WASF1: variants seen among roughly 807,000 people sequenced by gnomAD.
WASF1 encodes the protein actin-binding protein WASF1.
WASF1 carries 7 observed loss-of-function variants against 50.5 expected under a neutral mutation model. That is an observed-to-expected ratio of 0.14 (90% confidence interval 0.08 to 0.26). The LOEUF (loss-of-function observed/expected upper bound fraction) is 0.26, where lower values mean the gene tolerates loss of function less well. WASF1 is among the 10% of genes least tolerant of loss of function. The probability of loss-of-function intolerance (pLI) is 1.00; values close to 1 mark genes in which losing one functional copy is unlikely to be tolerated. For missense variants in WASF1, 470 were observed against 694.7 expected, an observed-to-expected ratio of 0.68 and a Z score of 3.64; for synonymous variants, 205 against 244.0, an observed-to-expected ratio of 0.84 and a Z score of 1.49.
chr6:110,111,309 A>C (rs1773544214), intron 5 of WASF1, among the ~76,000 whole-genome samples: 1 of 152,160 alleles, frequency 6.6e-6, no homozygotes, highest in Admixed American at 6.6e-5. Flanking sequence ...ATTTTATTTC[A>C]AGAATTCCAT....
intron 3 of WASF1, among the ~76,000 whole-genome samples, chr6:110,128,844 G>A (rs796876389): frequency 7.2e-5 from 11 of 152,266 alleles, no homozygotes; most frequent in African/African-American, 2.4e-4. Context: ...GATCAGTGGC[G>A]GCATTAGATT....
chr6:110,149,590 T>C (rs1271248460), intron 3 of WASF1, among the ~76,000 whole-genome samples: 2 of 152,096 alleles, frequency 1.3e-5, no homozygotes, highest in African/African-American at 2.4e-5. Context: ...CCGATTTTTG[T>C]AGATTAGCAA....
intron 10 of WASF1, 122 bp downstream of exon 10, chr6:110,101,466 C>T (rs1391403954): frequency 2.4e-6 from 3 of 1,274,686 alleles, no homozygotes; most frequent in Non-Finnish European, 3.2e-6. Context: ...TTTCTAAAGG[C>T]CATTTGTACA....
At chr6:110,121,585 G>A (rs984564732) in intron 4 of WASF1, among the ~76,000 whole-genome samples, 1 of 152,238 alleles carries the variant, frequency 6.6e-6, no homozygotes, top group African/African-American at 2.4e-5. Context: ...CACTATTGGT[G>A]AGAGTGTAAG....
intron 8 of WASF1, among the ~76,000 whole-genome samples, chr6:110,104,514 C>G (rs1239090635): frequency 6.6e-6 from 1 of 152,136 alleles, no homozygotes; most frequent in Non-Finnish European, 1.5e-5. Context: ...CTAGGCTGGG[C>G]ACAGTGGCTC....
chr6:110,105,915 T>C (rs954656570), intron 7 of WASF1, among the ~76,000 whole-genome samples: 1 of 152,246 alleles, frequency 6.6e-6, no homozygotes, highest in African/African-American at 2.4e-5. Context: ...TAGTTTGAAA[T>C]TTCTACGATG....
chr6:110,102,583 T>C (rs1468437713), intron 9 of WASF1, among the ~76,000 whole-genome samples: 1 of 152,170 alleles, frequency 6.6e-6, no homozygotes, highest in Non-Finnish European at 1.5e-5. Flanking sequence ...TGGCAATACA[T>C]GTGGCCAATA....
intron 10 of WASF1, 78 bp downstream of exon 10, chr6:110,101,484 GATCACCTAAAATTTTATAGATAAGGA>G: frequency 2.1e-6 from 3 of 1,443,208 alleles, no homozygotes; most frequent in Non-Finnish European, 2.8e-6. Flanking sequence ...ACACAAACAT[GATCACCTAAAATTTTATAGATAAGGA>G]ACACATTTTT....
At chr6:110,165,701 T>A (rs1353574657) in intron 2 of WASF1, among the ~76,000 whole-genome samples, 1 of 151,736 alleles carries the variant, frequency 6.6e-6, no homozygotes, top group African/African-American at 2.4e-5. Flanking sequence ...TAACTACTTC[T>A]TTCTGACATG....
intron 3 of WASF1, among the ~76,000 whole-genome samples, chr6:110,137,753 T>TAAA (rs1394820290): frequency 6.6e-6 from 1 of 152,174 alleles, no homozygotes; most frequent in Non-Finnish European, 1.5e-5. Flanking sequence ...GCATACTCTT[T>TAAA]AAAATCAGAA....
At chr6:110,136,843 T>G (rs1450306112) in intron 3 of WASF1, among the ~76,000 whole-genome samples, 3 of 152,232 alleles carry the variant, frequency 2.0e-5, no homozygotes. Context: ...CTTGCCCTAC[T>G]CCTACTTGTT....
At chr6:110,142,975 T>TAAAAAAAAAAAAAAA (rs1396721363) in intron 3 of WASF1, among the ~76,000 whole-genome samples, 39 of 97,870 alleles carry the variant, frequency 4.0e-4, no homozygotes, top group African/African-American at 1.0e-3. Context: ...AAAAAAAAAC[T>TAAAAAAAAAAAAAAA]AAAGCAATTC....
intron 10 of WASF1, among the ~76,000 whole-genome samples, chr6:110,101,056 G>T (rs1340234890): frequency 6.6e-6 from 1 of 152,130 alleles, no homozygotes; most frequent in African/African-American, 2.4e-5. Flanking sequence ...GTATTTGAGG[G>T]AAAGGCACTA....
intron 3 of WASF1, among the ~76,000 whole-genome samples, chr6:110,146,361 T>C (rs1775560883): frequency 6.6e-6 from 1 of 152,072 alleles, no homozygotes. Flanking sequence ...GCAAGTTAAA[T>C]AATTTGAGTA....
intron 2 of WASF1, among the ~76,000 whole-genome samples, chr6:110,165,215 T>C (rs72934091): frequency 6.6e-6 from 1 of 151,778 alleles, no homozygotes; most frequent in Non-Finnish European, 1.5e-5. Context: ...CAACGTAAGT[T>C]CATCAGTTGT....
chr6:110,179,144 T>G (rs1009516694), intron 1 of WASF1, among the ~76,000 whole-genome samples: 4 of 152,066 alleles, frequency 2.6e-5, no homozygotes, highest in African/African-American at 9.7e-5. Flanking sequence ...CGGTGGCACC[T>G]CAGGTGACAC....
chr6:110,103,115 A>AGC (rs1258292762), intron 9 of WASF1, among the ~76,000 whole-genome samples: 1 of 152,216 alleles, frequency 6.6e-6, no homozygotes, highest in Non-Finnish European at 1.5e-5. Flanking sequence ...AGAGTGTGTC[A>AGC]GCTCTAACCA....
chr6:110,135,959 C>G (rs1370236472), intron 3 of WASF1, among the ~76,000 whole-genome samples: 1 of 143,862 alleles, frequency 7.0e-6, no homozygotes, highest in Admixed American at 7.2e-5. Context: ...TCTCAACTCA[C>G]TGCAAGCTCC....
intron 3 of WASF1, among the ~76,000 whole-genome samples, chr6:110,154,091 A>G (rs1274578164): frequency 6.6e-6 from 1 of 152,130 alleles, no homozygotes; most frequent in Non-Finnish European, 1.5e-5. Flanking sequence ...ATCTGAAACC[A>G]TGTTAGAGGA....
Sources: gnomAD v4.1 joint callset for allele counts (sites outside exome capture counted in the v4.1 genomes callset) on GRCh38, gnomAD v4.1.1 for gene constraint, MANE v1.5 for transcripts, NCBI Gene and HGNC (gene_info 2026-07-23, HGNC 2026-07-21) for gene names.